The following FOCAD variants were observed in gnomAD, a reference collection of about 807,000 sequenced individuals.
FOCAD encodes KIAA1797.
Under a neutral mutation model 225.6 loss-of-function variants are expected in FOCAD, and 198 were observed. The ratio of observed to expected loss-of-function variants is 0.88; its 90% CI spans 0.78 to 0.99. The LOEUF is 0.99. Among genes scored for constraint, FOCAD ranks in the 50% least tolerant of loss-of-function variants. The pLI is 0.00. For missense variants in FOCAD, 2,713 were observed against 2,123.6 expected (o/e 1.28, Z -5.46); for synonymous variants, 897 against 755.0 (o/e 1.19, Z -3.08).
chr9:20,842,211 T>A (rs1019621445), intron 15 of FOCAD, among the ~76,000 whole-genome samples: 1 of 151,994 alleles, frequency 6.6e-6, no homozygotes, highest in Admixed American at 6.6e-5. Context: ...AGGAGAAGAA[T>A]GTGTATTTCT....
intron 4 of FOCAD, among the ~76,000 whole-genome samples, chr9:20,735,719 C>G (rs1827102351): frequency 6.8e-6 from 1 of 147,198 alleles, no homozygotes; most frequent in African/African-American, 2.5e-5. Context: ...AACGGGATCT[C>G]TCTATATTGC....
At chr9:20,929,002 G>C (rs1440858508) in intron 26 of FOCAD, 2 of 156,116 alleles carry the variant, frequency 1.3e-5, no homozygotes, top group African/African-American at 2.5e-5. Context: ...TTTTTTTTTT[G>C]TTTGTTTTTC....
intron 4 of FOCAD, among the ~76,000 whole-genome samples, chr9:20,737,388 G>A (rs1238365345): frequency 6.6e-6 from 1 of 152,054 alleles, no homozygotes; most frequent in Non-Finnish European, 1.5e-5. Context: ...AGTTTCACAT[G>A]CAAAAAAGGA....
intron 15 of FOCAD, among the ~76,000 whole-genome samples, chr9:20,848,751 T>C (rs1421956829): frequency 1.3e-5 from 2 of 152,008 alleles, no homozygotes; most frequent in East Asian, 3.9e-4. Flanking sequence ...GCCAGCAGTT[T>C]ACCAGGGGCA....
At chr9:20,817,426 T>G (rs1294463945) in intron 11 of FOCAD, among the ~76,000 whole-genome samples, 1 of 152,096 alleles carries the variant, frequency 6.6e-6, no homozygotes, top group African/African-American at 2.4e-5. Context: ...TAATCTACCT[T>G]CTATCTCTAC....
At chr9:20,930,094 C>T (rs1298528646) in intron 27 of FOCAD, among the ~76,000 whole-genome samples, 1 of 152,006 alleles carries the variant, frequency 6.6e-6, no homozygotes, top group African/African-American at 2.4e-5. Context: ...TTTTCCTGTG[C>T]CCTGGCCACA....
At chr9:20,916,650 T>C (rs1258932761) in intron 23 of FOCAD, among the ~76,000 whole-genome samples, 7 of 152,126 alleles carry the variant, frequency 4.6e-5, no homozygotes, top group Non-Finnish European at 1.0e-4. Context: ...TATCTGTACA[T>C]CCCCCCTCAG....
chr9:20,900,017 C>T (rs1356869950), intron 21 of FOCAD, among the ~76,000 whole-genome samples: 4 of 151,852 alleles, frequency 2.6e-5, no homozygotes, highest in African/African-American at 7.2e-5. Context: ...GCTCAAGTGG[C>T]GTTCCTCTTT....
rs539738530 is a variant in FOCAD at position 20,840,472 on chromosome 9, ACTT to A, written c.1920+17361_1920+17363del. 2.7e-3 allele frequency among the ~76,000 whole-genome samples: 406 copies of A among 148,650 alleles called. 4 individuals are homozygous for A. Among genetic ancestry groups the A allele is most frequent in the African/African-American group, 9.6e-3 (389 of 40,594 alleles). The stretch of plus-strand genomic sequence containing the variant: ...ATTTTATTTTATGTAGAGATCTTTT[ACTT>A]CTTTGGTTAAGTTTATACTTAGGTA... On this transcript the variant is annotated intron_variant, in intron 15 of 43. Transcript: ENST00000338382.
intron 27 of FOCAD, among the ~76,000 whole-genome samples, chr9:20,931,171 C>G (rs1835431806): frequency 6.6e-6 from 1 of 152,124 alleles, no homozygotes; most frequent in Non-Finnish European, 1.5e-5. Context: ...TGATGATTCC[C>G]CCAGAACACT....
chr9:20,698,758 A>C (rs1823593491), intron 1 of FOCAD, among the ~76,000 whole-genome samples: 1 of 152,212 alleles, frequency 6.6e-6, no homozygotes, highest in Admixed American at 6.5e-5. Context: ...TACATTATTA[A>C]AACTCTTTAC....
chr9:20,739,904 GA>G (rs1827470030), intron 4 of FOCAD, among the ~76,000 whole-genome samples: 1 of 152,200 alleles, frequency 6.6e-6, no homozygotes, highest in African/African-American at 2.4e-5. Flanking sequence ...ATTTATAAAT[GA>G]AATATTTGGT....
At chr9:20,761,299 T>A (rs894871294) in intron 6 of FOCAD, among the ~76,000 whole-genome samples, 3 of 152,198 alleles carry the variant, frequency 2.0e-5, no homozygotes, top group African/African-American at 7.2e-5. Context: ...TGGGTTACTT[T>A]AAGATTATCT....
intron 26 of FOCAD, among the ~76,000 whole-genome samples, chr9:20,926,693 G>GA (rs1682912833): frequency 6.6e-6 from 1 of 151,022 alleles, no homozygotes; most frequent in Non-Finnish European, 1.5e-5. Context: ...TGAGGCAGGA[G>GA]AATCACTTTA....
chr9:20,687,741 C>T (rs985761581), intron 1 of FOCAD, among the ~76,000 whole-genome samples: 1 of 152,182 alleles, frequency 6.6e-6, no homozygotes, highest in Non-Finnish European at 1.5e-5. Context: ...ACAGCAACTA[C>T]TTTGGTGCTA....
intron 11 of FOCAD, among the ~76,000 whole-genome samples, chr9:20,791,223 A>ACACT (rs1820496729): frequency 1.0e-5 from 1 of 100,336 alleles, no homozygotes; most frequent in Admixed American, 1.3e-4. Context: ...ATGCATGCAC[A>ACACT]CACACACACA....
intron 28 of FOCAD, among the ~76,000 whole-genome samples, chr9:20,943,049 T>A (rs147395718): frequency 4.2e-4 from 64 of 152,348 alleles, no homozygotes; most frequent in Middle Eastern, 3.4e-3. Flanking sequence ...GTCAAATTGT[T>A]ATATGCATCA....
intron 16 of FOCAD, among the ~76,000 whole-genome samples, 194 bp from the exon 17 acceptor site, chr9:20,865,732 A>G (rs1210563210): frequency 6.6e-6 from 1 of 152,130 alleles, no homozygotes; most frequent in East Asian, 1.9e-4. Context: ...TGTTTAAAAT[A>G]TCCATGTGCT....
At chr9:20,973,072 T>C (rs1839903272) in intron 35 of FOCAD, among the ~76,000 whole-genome samples, 1 of 152,106 alleles carries the variant, frequency 6.6e-6, no homozygotes, top group Non-Finnish European at 1.5e-5. Flanking sequence ...TTTCTGCAGC[T>C]ATTTTACCTT....
Sources: gnomAD v4.1 joint callset for allele counts (sites outside exome capture counted in the v4.1 genomes callset) on GRCh38, gnomAD v4.1.1 for gene constraint, MANE v1.5 for transcripts, NCBI Gene and HGNC (gene_info 2026-07-23, HGNC 2026-07-21) for gene names.